Variants in ASTN2 observed in about 807,000 individuals in gnomAD.
ASTN2 encodes astrotactin 2.
A neutral mutation model predicts 139.8 loss-of-function variants in ASTN2; 54 were observed. The ratio of observed to expected loss-of-function variants is 0.39; its 90% CI spans 0.31 to 0.48. ASTN2 has a LOEUF of 0.48. Ranked by LOEUF, ASTN2 falls within the 20% of genes least tolerant of loss-of-function variation. ASTN2 has a pLI of 0.95. For missense variants in ASTN2, 1,565 were observed against 1,725.1 expected, an observed-to-expected ratio of 0.91 and a Z score of 1.64; for synonymous variants, 756 against 719.5, an observed-to-expected ratio of 1.05 and a Z score of -0.81.
At chr9:116,592,127 A>G (rs370111426) in intron 19 of ASTN2, among the ~76,000 whole-genome samples, 1 of 152,170 alleles carries the variant, frequency 6.6e-6, no homozygotes, top group South Asian at 2.1e-4. Flanking sequence ...TATAAAACCT[A>G]ATACAATGTC....
chr9:117,053,290 T>C (rs983692032), intron 5 of ASTN2, among the ~76,000 whole-genome samples: 1 of 151,932 alleles, frequency 6.6e-6, no homozygotes, highest in African/African-American at 2.4e-5. Context: ...CATCTCTACA[T>C]AAAACTTAAA....
chr9:116,891,356 A>G (rs1040827492), intron 10 of ASTN2, among the ~76,000 whole-genome samples: 1 of 152,198 alleles, frequency 6.6e-6, no homozygotes, highest in Non-Finnish European at 1.5e-5. Flanking sequence ...GTATTCTGTC[A>G]CTGTTGCTCT....
chr9:117,224,086 T>C (rs1204679664), intron 2 of ASTN2, among the ~76,000 whole-genome samples: 1 of 152,200 alleles, frequency 6.6e-6, no homozygotes, highest in Non-Finnish European at 1.5e-5. Flanking sequence ...CTGAATTCTA[T>C]AAAAATTTAT....
chr9:116,726,559 A>C (rs1828629426), intron 15 of ASTN2, among the ~76,000 whole-genome samples: 1 of 152,182 alleles, frequency 6.6e-6, no homozygotes, highest in Non-Finnish European at 1.5e-5. Context: ...CAGAGTCAGC[A>C]TGTATTCTGA....
At chr9:117,380,907 A>T (rs975215883) in intron 1 of ASTN2, among the ~76,000 whole-genome samples, 1 of 152,222 alleles carries the variant, frequency 6.6e-6, no homozygotes, top group East Asian at 1.9e-4. Flanking sequence ...TCTTAGGTAT[A>T]TACCCAAGGA....
At chr9:116,874,715 G>T (rs1833252011) in intron 10 of ASTN2, among the ~76,000 whole-genome samples, 1 of 152,138 alleles carries the variant, frequency 6.6e-6, no homozygotes, top group African/African-American at 2.4e-5. Context: ...CCCTGGAGTT[G>T]GAGGTTGGGT....
intron 10 of ASTN2, among the ~76,000 whole-genome samples, chr9:116,924,046 G>A (rs1028482799): frequency 1.3e-5 from 2 of 152,066 alleles, no homozygotes; most frequent in African/African-American, 2.4e-5. Flanking sequence ...TCTTGCACAA[G>A]GAAGAATTTA....
intron 1 of ASTN2, among the ~76,000 whole-genome samples, chr9:117,407,002 A>C (rs907355268): frequency 6.6e-6 from 1 of 152,066 alleles, no homozygotes; most frequent in Admixed American, 6.6e-5. Flanking sequence ...ACTGGTGCTC[A>C]GTGATTCAAA....
chr9:116,976,589 G>A, intron 8 of ASTN2, 112 bp downstream of exon 8: 2 of 879,150 alleles, frequency 2.3e-6, no homozygotes, highest in Non-Finnish European at 3.6e-6. Flanking sequence ...GAACACTACT[G>A]TTGCAGAGAA....
At chr9:117,275,745 T>C (rs1242812474) in intron 2 of ASTN2, among the ~76,000 whole-genome samples, 1 of 152,090 alleles carries the variant, frequency 6.6e-6, no homozygotes, top group African/African-American at 2.4e-5. Context: ...TTTGTATTTT[T>C]AGTAGAGACA....
intron 3 of ASTN2, among the ~76,000 whole-genome samples, chr9:117,202,722 TC>T (rs1156981929): frequency 6.6e-6 from 1 of 152,198 alleles, no homozygotes; most frequent in African/African-American, 2.4e-5. Context: ...CTGATGGGCT[TC>T]CCTTTGTAGG....
intron 13 of ASTN2, among the ~76,000 whole-genome samples, chr9:116,803,506 ATATATATATATATATATTTTTTT>A (rs1221527504): frequency 0.01 from 81 of 7,904 alleles, no homozygotes; most frequent in African/African-American, 0.033. Context: ...ATATATATAT[ATATATATATATATATATTTTTTT>A]TTTTTTTTTT....
chr9:117,188,111 T>C (rs1831250267), intron 3 of ASTN2, among the ~76,000 whole-genome samples: 1 of 151,774 alleles, frequency 6.6e-6, no homozygotes, highest in Non-Finnish European at 1.5e-5. Flanking sequence ...AAAAAAAATG[T>C]CTTCAGACAT....
At chr9:116,976,320 T>G (rs968226259) in intron 8 of ASTN2, 132 bp from the exon 9 acceptor site, 3 of 700,292 alleles carry the variant, frequency 4.3e-6, no homozygotes, top group Non-Finnish European at 7.3e-6. Context: ...CAAGACTACT[T>G]ATATTATAAA....
At chr9:117,164,961 G>T (rs1454174836) in intron 3 of ASTN2, among the ~76,000 whole-genome samples, 2 of 152,062 alleles carry the variant, frequency 1.3e-5, no homozygotes, top group Non-Finnish European at 2.9e-5. Flanking sequence ...CCATTTTACA[G>T]TTGAAAAACC....
At chr9:117,141,233 G>C in intron 4 of ASTN2, 93 bp downstream of exon 4, 1 of 1,251,472 alleles carries the variant, frequency 8.0e-7, no homozygotes, top group Non-Finnish European at 1.1e-6. Flanking sequence ...TGAGCACAGG[G>C]AAGCAAGGGA....
At chr9:116,636,340 T>C (rs1440350198) in intron 17 of ASTN2, among the ~76,000 whole-genome samples, 1 of 152,210 alleles carries the variant, frequency 6.6e-6, no homozygotes, top group Non-Finnish European at 1.5e-5. Flanking sequence ...CTCTGTGCTT[T>C]CTAACTTCTT....
Position 116,699,192 on chromosome 9 carries a change from G to T in ASTN2, c.2806+26579C>A. 6.2e-7 allele frequency: 1 copy of T among 1,614,242 alleles called. No homozygotes were observed. Among genetic ancestry groups the T allele is most frequent in the Non-Finnish European group, 8.5e-7 (1 of 1,180,052 alleles). On this transcript the variant is annotated intron_variant, in intron 16 of 22. Coordinates refer to ENST00000313400, the MANE Select transcript of ASTN2 (RefSeq NM_001365068.1). This position sits in a 1 kb window ranked among gnomAD's most constrained non-coding sequence, Gnocchi z 4.2. Reference sequence around the variant, plus strand: ...CACAGCCTTGCCATCTGGCCAGTTTGTAGTAACCGATGTGGAAGGTGGAAA... The same window carrying T: ...CACAGCCTTGCCATCTGGCCAGTTTTTAGTAACCGATGTGGAAGGTGGAAA...
In ASTN2 at chr9:116,768,146, C is replaced by T. The variant is rs10983341; in HGVS notation, c.2397-34623G>A. 0.025 allele frequency among the ~76,000 whole-genome samples: 3,740 copies of T among 152,268 alleles called. 240 individuals are homozygous for T. In the East Asian group the frequency reaches 0.27, roughly 11 times the overall value. On this transcript the variant is annotated intron_variant, in intron 13 of 22. Transcript: ENST00000313400. ...AACTCCCAAATCCAATGCTCTCTCT[C>T]CACTTTCTTGTTAAATTCTTCTTTG...
Sources: gnomAD v4.1 joint callset for allele counts (sites outside exome capture counted in the v4.1 genomes callset) on GRCh38, gnomAD v4.1.1 for gene constraint, Gnocchi (gnomAD v3.1) non-coding constraint, MANE v1.5 for transcripts, NCBI Gene and HGNC (gene_info 2026-07-23, HGNC 2026-07-21) for gene names.